Variants in PDE1C observed in about 807,000 individuals in gnomAD.
The protein encoded by PDE1C is dual specificity calcium/calmodulin-dependent 3',5'-cyclic nucleotide phosphodiesterase 1C.
A neutral mutation model predicts 93.1 loss-of-function variants in PDE1C; 62 were observed. The ratio of observed to expected loss-of-function variants is 0.67; its 90% confidence interval spans 0.54 to 0.82. The LOEUF is 0.82. Among genes scored for constraint, PDE1C ranks in the 40% least tolerant of loss-of-function variants. PDE1C has a pLI of 0.00. For synonymous variants in PDE1C, 325 were observed against 310.1 expected, an observed-to-expected ratio of 1.05 and a Z score of -0.50; for missense variants, 742 against 884.6, an observed-to-expected ratio of 0.84 and a Z score of 2.04.
intron 1 of PDE1C, among the ~76,000 whole-genome samples, chr7:32,419,156 A>C (rs1345107014): frequency 1.3e-5 from 2 of 152,226 alleles, no homozygotes; most frequent in Non-Finnish European, 2.9e-5. Context: ...TGGAGGTGAT[A>C]TCTGAGATGG....
intron 17 of PDE1C, among the ~76,000 whole-genome samples, chr7:31,773,201 C>T (rs1293640992): frequency 3.3e-5 from 5 of 152,188 alleles, no homozygotes; most frequent in African/African-American, 1.2e-4. Flanking sequence ...GACCATCTCT[C>T]AAGTCCTGTA....
At chr7:31,782,596 C>T (rs1208198367) in intron 16 of PDE1C, among the ~76,000 whole-genome samples, 7 of 152,082 alleles carry the variant, frequency 4.6e-5, no homozygotes, top group Admixed American at 4.6e-4. Flanking sequence ...TCAGTATCAC[C>T]ACTAGAGGGT....
chr7:31,968,111 C>A (rs923096550), intron 2 of PDE1C, among the ~76,000 whole-genome samples: 1 of 152,036 alleles, frequency 6.6e-6, no homozygotes, highest in African/African-American at 2.4e-5. Context: ...CTGGCCAGGG[C>A]AATCAGGCAG....
intron 3 of PDE1C, among the ~76,000 whole-genome samples, chr7:32,157,543 C>CAGGAT (rs1801652134): frequency 1.6e-3 from 3 of 1,930 alleles, no homozygotes; most frequent in Admixed American, 0.011. Flanking sequence ...CAGAGTGGAG[C>CAGGAT]CAGCCAAAAA....
intron 2 of PDE1C, among the ~76,000 whole-genome samples, chr7:32,025,800 T>C (rs139474083): frequency 1.3e-5 from 2 of 152,250 alleles, no homozygotes; most frequent in South Asian, 2.1e-4. Context: ...ACAGTGAAGA[T>C]AGTGTCCCTG....
chr7:32,126,892 T>C (rs1354764841), intron 3 of PDE1C, among the ~76,000 whole-genome samples: 1 of 152,020 alleles, frequency 6.6e-6, no homozygotes, highest in Non-Finnish European at 1.5e-5. Context: ...TAATTTTGTG[T>C]GTCAATGTGA....
chr7:32,366,359 G>T (rs979859600), intron 1 of PDE1C, among the ~76,000 whole-genome samples: 2 of 152,042 alleles, frequency 1.3e-5, no homozygotes, highest in Admixed American at 1.3e-4. Context: ...TTGGAGACAG[G>T]TCATTTGAAA....
intron 1 of PDE1C, among the ~76,000 whole-genome samples, chr7:32,424,282 G>C (rs932095816): frequency 3.3e-5 from 5 of 152,216 alleles, no homozygotes; most frequent in Non-Finnish European, 7.3e-5. Context: ...GCTCAAAGCA[G>C]TTAAATTTCC....
At chr7:31,685,677 C>G in the PDE1C span, among the ~76,000 whole-genome samples, 11 of 152,206 alleles carry the variant, frequency 7.2e-5, no homozygotes, top group East Asian at 2.1e-3. Flanking sequence ...ATGTAACAAA[C>G]CTGCACGTCC....
intron 2 of PDE1C, among the ~76,000 whole-genome samples, chr7:32,206,471 G>C (rs1179911574): frequency 6.6e-6 from 1 of 152,120 alleles, no homozygotes; most frequent in Non-Finnish European, 1.5e-5. Flanking sequence ...AGCTTCACCA[G>C]CATCCCAGAG....
intron 2 of PDE1C, among the ~76,000 whole-genome samples, chr7:31,892,637 T>TA (rs1798789211): frequency 2.0e-5 from 3 of 152,180 alleles, no homozygotes; most frequent in Non-Finnish European, 4.4e-5. Flanking sequence ...ACCCAACCTC[T>TA]AGTAACCACC....
At chr7:32,040,364 G>A (rs1340126395) in intron 2 of PDE1C, among the ~76,000 whole-genome samples, 3 of 152,134 alleles carry the variant, frequency 2.0e-5, no homozygotes, top group Admixed American at 2.0e-4. Flanking sequence ...TGTTGTGGTG[G>A]AAATGTTCCA....
the PDE1C span, among the ~76,000 whole-genome samples, chr7:31,622,820 C>G: frequency 3.3e-5 from 5 of 152,040 alleles, no homozygotes; most frequent in Admixed American, 2.0e-4. Flanking sequence ...AATCCAGGAG[C>G]TGGTTTTTTG....
intron 3 of PDE1C, among the ~76,000 whole-genome samples, chr7:32,147,320 G>GAAAGAAAGAA (rs1800952082): frequency 7.3e-6 from 1 of 136,426 alleles, no homozygotes; most frequent in African/African-American, 3.1e-5. Flanking sequence ...AAGAAAGAAA[G>GAAAGAAAGAA]AAAGAAAGAA....
chr7:32,239,553 A>C (rs1263860062), intron 1 of PDE1C, among the ~76,000 whole-genome samples: 1 of 152,268 alleles, frequency 6.6e-6, no homozygotes, highest in African/African-American at 2.4e-5. Flanking sequence ...GATAAAGTAG[A>C]TAAACAGGCA....
intron 2 of PDE1C, among the ~76,000 whole-genome samples, chr7:32,206,350 A>G (rs1478563395): frequency 1.3e-5 from 2 of 152,164 alleles, no homozygotes; most frequent in African/African-American, 4.8e-5. Flanking sequence ...AGGTGCAGTC[A>G]ACCAGACACG....
intron 1 of PDE1C, among the ~76,000 whole-genome samples, chr7:32,361,962 G>T (rs903594806): frequency 1.3e-5 from 2 of 152,196 alleles, no homozygotes; most frequent in Non-Finnish European, 2.9e-5. Flanking sequence ...TGTGCCAGAG[G>T]CTGGAGCTGC....
At chr7:32,138,261 A>T (rs1034952225) in intron 3 of PDE1C, among the ~76,000 whole-genome samples, 2 of 152,226 alleles carry the variant, frequency 1.3e-5, no homozygotes, top group African/African-American at 4.8e-5. Flanking sequence ...AATGTACCAC[A>T]TAGTAGTAAT....
chr7:32,028,738 A>G (rs1329993584), intron 2 of PDE1C, among the ~76,000 whole-genome samples: 1 of 152,066 alleles, frequency 6.6e-6, no homozygotes, highest in Non-Finnish European at 1.5e-5. Context: ...GCAATTTTGA[A>G]ATGTACAATA....
Sources: gnomAD v4.1 joint callset for allele counts (sites outside exome capture counted in the v4.1 genomes callset) on GRCh38, gnomAD v4.1.1 for gene constraint, MANE v1.5 for transcripts, NCBI Gene and HGNC (gene_info 2026-07-23, HGNC 2026-07-21) for gene names.